The following RNLS variants were observed in gnomAD, a reference collection of about 807,000 sequenced individuals.
The protein encoded by RNLS is renalase.
A neutral mutation model predicts 39.8 loss-of-function variants in RNLS; 39 were observed. The observed-to-expected ratio is 0.98, with a 90% CI of 0.76 to 1.28. The LOEUF is 1.28. Among genes scored for constraint, RNLS ranks in the 50% most tolerant of loss-of-function variants. The pLI is 0.00. For missense variants in RNLS, 410 were observed against 413.3 expected (o/e 0.99, Z 0.07); for synonymous variants, 147 against 150.7 (o/e 0.98, Z 0.18).
At chr10:88,188,101 G>A in the RNLS span, among the ~76,000 whole-genome samples, 5 of 151,682 alleles carry the variant, frequency 3.3e-5, no homozygotes, top group Admixed American at 3.3e-4. Flanking sequence ...TCTGTCACCA[G>A]GCTGGACTGC....
At chr10:88,346,286 G>A (rs189833979) in intron 5 of RNLS, among the ~76,000 whole-genome samples, 24 of 152,224 alleles carry the variant, frequency 1.6e-4, no homozygotes, top group African/African-American at 4.8e-4. Flanking sequence ...TTTGTGTTAC[G>A]GGGCATCATT....
At chr10:88,257,137 C>T in the RNLS span, among the ~76,000 whole-genome samples, 1 of 152,086 alleles carries the variant, frequency 6.6e-6, no homozygotes, top group Non-Finnish European at 1.5e-5. Context: ...CCATCATTCC[C>T]CACGTTCAAA....
chr10:88,475,515 C>T (rs1229001008), intron 4 of RNLS, among the ~76,000 whole-genome samples: 1 of 152,122 alleles, frequency 6.6e-6, no homozygotes, highest in African/African-American at 2.4e-5. Context: ...CCTTTCTTTT[C>T]TTCTAACTTC....
the RNLS span, among the ~76,000 whole-genome samples, chr10:88,256,504 C>T: frequency 6.6e-6 from 1 of 152,224 alleles, no homozygotes; most frequent in African/African-American, 2.4e-5. Flanking sequence ...AACCTTCCGT[C>T]TCCATCCGCC....
intron 5 of RNLS, among the ~76,000 whole-genome samples, chr10:88,352,571 G>A (rs562544236): frequency 6.6e-5 from 10 of 152,302 alleles, no homozygotes; most frequent in African/African-American, 2.4e-4. Flanking sequence ...TGGTAGATAA[G>A]CTTTTTGATG....
chr10:88,326,880 G>T (rs1564697337), intron 5 of RNLS, among the ~76,000 whole-genome samples: 1 of 152,196 alleles, frequency 6.6e-6, no homozygotes, highest in Non-Finnish European at 1.5e-5. Context: ...TCCACCTCTT[G>T]CATCAGTGTG....
chr10:88,402,931 A>T (rs1374214268), intron 4 of RNLS, among the ~76,000 whole-genome samples: 1 of 152,086 alleles, frequency 6.6e-6, no homozygotes, highest in Non-Finnish European at 1.5e-5. Flanking sequence ...AGACCTCAGC[A>T]ATAGTTAATA....
intron 4 of RNLS, among the ~76,000 whole-genome samples, chr10:88,386,931 G>A (rs1589707014): frequency 6.6e-6 from 1 of 152,296 alleles, no homozygotes; most frequent in East Asian, 1.9e-4. Context: ...TGAGGTTCCA[G>A]TGCTATGACG....
At chr10:88,256,770 G>T in the RNLS span, among the ~76,000 whole-genome samples, 1 of 152,094 alleles carries the variant, frequency 6.6e-6, no homozygotes, top group Non-Finnish European at 1.5e-5. Flanking sequence ...TCCCGAAAAT[G>T]AATATGATTC....
intron 4 of RNLS, among the ~76,000 whole-genome samples, chr10:88,380,635 C>T (rs1476115230): frequency 6.6e-5 from 10 of 152,060 alleles, no homozygotes; most frequent in African/African-American, 2.2e-4. Context: ...CCGCCAGCCT[C>T]GGCCTCCCGA....
In RNLS at chr10:88,581,657, T is replaced by G; in HGVS notation, c.277A>C (p.Ile93Leu). 6.2e-7 allele frequency: 1 copy of G among 1,603,426 alleles called. No individual in the cohort carries two copies. The highest frequency in any genetic ancestry group is 1.1e-5 in the South Asian group (1 of 89,218). The change falls in exon 3 of 7, where the codon ATT becomes CTT. Residue 93 changes from isoleucine to leucine, a missense_variant. Ile to Leu is a conservative substitution (Grantham distance 5). Transcript: ENST00000331772. ...YGVLRPLSSP[I>L]EGMVMKEGDC... ...CCTTCTTTCATCACCATTCCTTCAA[T>G]AGGCGAGCTTAGAGGCCTCAAAACG...
chr10:88,277,170 T>G (rs1246602284), intron 6 of RNLS, among the ~76,000 whole-genome samples: 1 of 152,194 alleles, frequency 6.6e-6, no homozygotes, highest in Non-Finnish European at 1.5e-5. Flanking sequence ...GTTCATGTCC[T>G]TTGCAGGGAC....
At chr10:88,265,748 T>C in the RNLS span, among the ~76,000 whole-genome samples, 1 of 152,204 alleles carries the variant, frequency 6.6e-6, no homozygotes, top group African/African-American at 2.4e-5. Flanking sequence ...TAGGAGCTTT[T>C]TGGAGAAGTC....
intron 4 of RNLS, among the ~76,000 whole-genome samples, chr10:88,469,822 C>CGTGTGTGTGT (rs199651876): frequency 1.2e-4 from 17 of 138,130 alleles, no homozygotes; most frequent in African/African-American, 4.2e-4. Context: ...TATGTGTGTG[C>CGTGTGTGTGT]GTGTGTGTGT....
chr10:88,418,497 G>T (rs1854178496), intron 4 of RNLS, among the ~76,000 whole-genome samples: 1 of 152,180 alleles, frequency 6.6e-6, no homozygotes, highest in African/African-American at 2.4e-5. Context: ...CTTTCATTAT[G>T]ATGTTATTGA....
chr10:88,349,785 G>T lies in RNLS; in HGVS notation c.700+12767C>A, dbSNP rs542828548. 3.3e-5 allele frequency among the ~76,000 whole-genome samples: 5 copies of T among 151,634 alleles called. No homozygotes were observed. In the East Asian group the frequency reaches 9.7e-4, roughly 29 times the overall value. Reference sequence around the variant, plus strand: ...TATATATATATTTTTCTTCCTGAGAGACCACCCCAAGATCTGATATTACTA... The same window carrying T: ...TATATATATATTTTTCTTCCTGAGATACCACCCCAAGATCTGATATTACTA... On this transcript the variant is annotated intron_variant, in intron 5 of 6. Transcript: ENST00000331772.
chr10:88,197,825 T>C, the RNLS span, among the ~76,000 whole-genome samples: 4 of 152,178 alleles, frequency 2.6e-5, no homozygotes, highest in African/African-American at 9.6e-5. Flanking sequence ...TGTGTAGGCA[T>C]AGTGAGAAGG....
At chr10:88,502,686 A>T (rs1259196630) in intron 4 of RNLS, among the ~76,000 whole-genome samples, 1 of 152,158 alleles carries the variant, frequency 6.6e-6, no homozygotes, top group Non-Finnish European at 1.5e-5. Context: ...GGGACATTTT[A>T]TCATGCTCTA....
exon 7 of RNLS, chr10:88,274,279 A>G (rs867731894): frequency 6.6e-6 from 1 of 152,316 alleles, no homozygotes; most frequent in African/African-American, 2.4e-5. Flanking sequence ...AGCACCCATA[A>G]CCATCATCCA....
Sources: allele counts gnomAD v4.1 joint callset (sites outside exome capture counted in the v4.1 genomes callset), GRCh38; gene constraint gnomAD v4.1.1; transcripts MANE v1.5; gene names NCBI Gene and HGNC (gene_info 2026-07-23, HGNC 2026-07-21).